The following VPS13A variants were observed in gnomAD, a reference collection of about 807,000 sequenced individuals.
The protein encoded by VPS13A is vacuolar protein sorting 13 homolog A.
A neutral mutation model predicts 390.9 loss-of-function variants in VPS13A; 264 were observed. The ratio of observed to expected loss-of-function variants is 0.68; its 90% confidence interval spans 0.61 to 0.75. VPS13A has a LOEUF of 0.75. VPS13A is among the 30% of genes least tolerant of loss of function. VPS13A has a pLI of 0.00. For missense variants in VPS13A, 3,409 were observed against 3,733.9 expected (o/e 0.91, Z 2.27); for synonymous variants, 1,231 against 1,227.1 (o/e 1.00, Z -0.07).
rs145778822 is a variant in VPS13A at position 77,294,232 on chromosome 9, G to A, written c.3507+724G>A. 4.3e-3 allele frequency among the ~76,000 whole-genome samples: 655 copies of A among 152,192 alleles called. 4 individuals are homozygous for A. The highest frequency in any genetic ancestry group is 0.01 in the South Asian group (49 of 4,824). ...TCTGGCCCAAGAAAATCATATTTTC[G>A]ATTGCATTGTCATTCTGTGAATATC... On this transcript the variant is annotated intron_variant, in intron 32 of 71. Coordinates refer to ENST00000360280, the MANE Select transcript of VPS13A (RefSeq NM_033305.3).
intron 28 of VPS13A, 39 bp downstream of exon 28, chr9:77,281,965 T>G: frequency 7.2e-7 from 1 of 1,396,256 alleles, no homozygotes; most frequent in Non-Finnish European, 1.0e-6. Flanking sequence ...ATGTACTATT[T>G]CTTATGGAAA....
chr9:77,321,616 C>T lies in VPS13A; in HGVS notation c.5700C>T (p.Asn1900=), dbSNP rs984381701. The change falls in exon 44 of 72, where the codon AAC becomes AAT. Residue 1900 remains asparagine (N), a synonymous_variant. Coordinates refer to ENST00000360280, the MANE Select transcript of VPS13A (RefSeq NM_033305.3). ...CAAGTGATTCTTTTAGTGTACTCAA[C>T]ATTCCTATGGCAAAATCATATGTAT... The part of the protein sequence containing the change: ...VSPSDSFSVL[N]IPMAKSYVLK... 1.2e-6 allele frequency: 2 copies of T among 1,613,294 alleles called. No homozygotes were observed. The highest frequency in any genetic ancestry group is 1.7e-6 in the Non-Finnish European group (2 of 1,179,608).
chr9:77,267,993 C>G (rs1315969676), intron 23 of VPS13A, among the ~76,000 whole-genome samples: 1 of 152,222 alleles, frequency 6.6e-6, no homozygotes, highest in Non-Finnish European at 1.5e-5. Flanking sequence ...TTTCAAGCCT[C>G]AGCAGTGGTG....
intron 34 of VPS13A, among the ~76,000 whole-genome samples, chr9:77,307,050 G>A (rs1284452163): frequency 6.6e-6 from 1 of 151,926 alleles, no homozygotes; most frequent in Non-Finnish European, 1.5e-5. Context: ...GGGATTACAG[G>A]TGTGCACTAT....
Position 77,238,277 on chromosome 9 carries a change from A to G in VPS13A, c.1791A>G (p.Thr597=). The part of the protein sequence containing the change: ...EPLEIIYDAR[T]VNSIVEFFRP... ...AATGATGTTTATTTTAACAGAGGAC[A>G]GTGAATAGTATAGTGGAATTCTTCA... The change falls in exon 19 of 72, where the codon ACA becomes ACG. Residue 597 remains threonine, a synonymous_variant. Transcript: ENST00000360280. 6.2e-7 allele frequency: 1 copy of G among 1,613,574 alleles called. No homozygotes were observed. Among genetic ancestry groups the G allele is most frequent in the Non-Finnish European group, 8.5e-7 (1 of 1,179,568 alleles).
At chr9:77,181,388 C>T (rs916041595) in intron 1 of VPS13A, among the ~76,000 whole-genome samples, 1 of 151,556 alleles carries the variant, frequency 6.6e-6, no homozygotes, top group Non-Finnish European at 1.5e-5. Flanking sequence ...CTGTGGCGCT[C>T]GCCTGTAATC....
At chr9:77,253,600 C>T (rs1020889562) in intron 22 of VPS13A, among the ~76,000 whole-genome samples, 4 of 152,096 alleles carry the variant, frequency 2.6e-5, no homozygotes, top group African/African-American at 9.7e-5. Context: ...CTGCCGCACC[C>T]GGCTGAGTTG....
At chr9:77,341,691 C>CTTTTTTTTTT (rs57841628) in intron 50 of VPS13A, among the ~76,000 whole-genome samples, 573 of 37,862 alleles carry the variant, frequency 0.015, 76 homozygotes, top group Non-Finnish European at 0.018. Flanking sequence ...GACATCTTTC[C>CTTTTTTTTTT]TTTTTTTTTT....
At chr9:77,400,849 TAA>T (rs1834357934) in intron 68 of VPS13A, among the ~76,000 whole-genome samples, 1 of 151,670 alleles carries the variant, frequency 6.6e-6, no homozygotes, top group Non-Finnish European at 1.5e-5. Context: ...AAAAAGTTAT[TAA>T]AATGTTACTT....
At chr9:77,284,917 C>T (rs912698303) in intron 31 of VPS13A, among the ~76,000 whole-genome samples, 1 of 151,860 alleles carries the variant, frequency 6.6e-6, no homozygotes, top group African/African-American at 2.4e-5. Flanking sequence ...TTTGGCCAGG[C>T]TCATCTCAAA....
At chr9:77,362,467 C>T (rs79638333) in intron 59 of VPS13A, among the ~76,000 whole-genome samples, 9 of 152,288 alleles carry the variant, frequency 5.9e-5, no homozygotes, top group Admixed American at 2.0e-4. Flanking sequence ...GATTTTATTC[C>T]GTCGATCTGT....
At chr9:77,254,012 G>A (rs1475583062) in intron 22 of VPS13A, among the ~76,000 whole-genome samples, 1 of 135,714 alleles carries the variant, frequency 7.4e-6, no homozygotes, top group Non-Finnish European at 1.5e-5. Context: ...GCATGATCTC[G>A]GCTCACTGCA....
In VPS13A at chr9:77,356,749, A is replaced by T. The variant is rs777095234; in HGVS notation, c.7688A>T (p.Lys2563Met). ...DVVWETKPKK[K>M]ARWKPMSVKH... ...GTTTGGGAAACAAAGCCCAAGAAGA[A>T]GGCAAGATGGAAGCCAATGAGTGTA... is the stretch of plus-strand genomic sequence containing the variant. Residue 2563 changes from lysine to methionine, a missense_variant, in exon 55 of 72, where the codon AAG (lysine) becomes ATG (methionine). Lys to Met is a moderately conservative substitution (Grantham distance 95, BLOSUM62 -1). Coordinates refer to ENST00000360280, the MANE Select transcript of VPS13A (RefSeq NM_033305.3). 6.2e-7 allele frequency: 1 copy of T among 1,613,462 alleles called. No homozygotes were observed.
chr9:77,289,402 A>C (rs117829517), intron 31 of VPS13A, among the ~76,000 whole-genome samples: 1 of 151,952 alleles, frequency 6.6e-6, no homozygotes, highest in Non-Finnish European at 1.5e-5. Flanking sequence ...TGTTTATCCT[A>C]TTGTATTCCT....
At chr9:77,180,263 C>T (rs987850324) in intron 1 of VPS13A, among the ~76,000 whole-genome samples, 1 of 152,164 alleles carries the variant, frequency 6.6e-6, no homozygotes, top group African/African-American at 2.4e-5. Flanking sequence ...CATATGCTGA[C>T]TTTGTGTAAC....
chr9:77,407,647 A>G (rs1276455507), intron 71 of VPS13A, 40 bp downstream of exon 71: 1 of 1,456,158 alleles, frequency 6.9e-7, no homozygotes, highest in Non-Finnish European at 9.6e-7. Flanking sequence ...GGAGCTGCTC[A>G]CTTCAAAATC....
rs148173878 is a variant in VPS13A at position 77,407,536 on chromosome 9, C to T, written c.9403C>T (p.Arg3135Ter). The change falls in exon 71 of 72, where the codon CGA becomes TGA. Residue 3135 changes from arginine (R) to a stop codon, truncating the protein, a stop_gained. Transcript: ENST00000360280. LOFTEE classifies it high-confidence loss of function. ...AATTTACATATTCTGTTTATAGGAA[C>T]GAGTGAAGTCTGTATTTCATGCCAG... ...GRRLRIEAKERVKSVFHAREF... is the reference protein window; with the variant it reads ...GRRLRIEAKE 1.2e-5 allele frequency: 19 copies of T among 1,610,804 alleles called. No individual in the cohort carries two copies. The highest frequency in any genetic ancestry group is 4.0e-5 in the African/African-American group (3 of 74,802).
In VPS13A at chr9:77,316,246, A is replaced by T; in HGVS notation, c.4703A>T (p.Asp1568Val). The part of the protein sequence containing the change: ...IKNPEIVFVA[D>V]MTKNDAPALV... Reference sequence around the variant, plus strand: ...AATCCTGAAATTGTGTTTGTAGCTGACATGACAAAAAATGATGCTCCTGCT... The same window carrying T: ...AATCCTGAAATTGTGTTTGTAGCTGTCATGACAAAAAATGATGCTCCTGCT... The change falls in exon 39 of 72, where the codon GAC becomes GTC. Residue 1568 changes from aspartate (D) to valine (V), a missense_variant. Asp to Val is a radical substitution (Grantham distance 152, BLOSUM62 -3). Coordinates refer to ENST00000360280, the MANE Select transcript of VPS13A (RefSeq NM_033305.3). 6.2e-7 allele frequency: 1 copy of T among 1,613,308 alleles called. No individual in the cohort carries two copies. Among genetic ancestry groups the T allele is most frequent in the South Asian group, 1.1e-5 (1 of 91,032 alleles).
At chr9:77,350,414 ATGT>A (rs1211143147) in intron 52 of VPS13A, among the ~76,000 whole-genome samples, 1 of 152,150 alleles carries the variant, frequency 6.6e-6, no homozygotes, top group Non-Finnish European at 1.5e-5. Flanking sequence ...AGTTGTTAAA[ATGT>A]TGTTCTGAGT....
Sources: gnomAD v4.1 joint callset for allele counts (sites outside exome capture counted in the v4.1 genomes callset) on GRCh38, gnomAD v4.1.1 for gene constraint, MANE v1.5 for transcripts, NCBI Gene and HGNC (gene_info 2026-07-23, HGNC 2026-07-21) for gene names.